Variants in AGBL1 observed in about 807,000 individuals in gnomAD.
AGBL1 encodes cytosolic carboxypeptidase 4.
A neutral mutation model predicts 118.9 loss-of-function variants in AGBL1; 130 were observed. That is an observed-to-expected ratio of 1.09 (90% CI 0.95 to 1.26). The LOEUF (loss-of-function observed/expected upper bound fraction) is 1.26, where lower values mean the gene tolerates loss of function less well. Ranked by LOEUF, AGBL1 falls within the 50% of genes most tolerant of loss-of-function variation. The pLI is 0.00. For synonymous variants in AGBL1, 555 were observed against 478.9 expected, an observed-to-expected ratio of 1.16 and a Z score of -2.08; for missense variants, 1,584 against 1,298.1, an observed-to-expected ratio of 1.22 and a Z score of -3.38.
chr15:86,306,724 T>C (rs191237981), intron 17 of AGBL1, among the ~76,000 whole-genome samples: 2 of 152,294 alleles, frequency 1.3e-5, no homozygotes, highest in East Asian at 3.9e-4. Flanking sequence ...AATTTTTAGT[T>C]TTTTGAGGAA....
At chr15:86,861,850 A>T (rs566151854) in intron 22 of AGBL1, among the ~76,000 whole-genome samples, 2 of 152,352 alleles carry the variant, frequency 1.3e-5, no homozygotes, top group South Asian at 4.1e-4. Context: ...AAGTCAAACC[A>T]ACTATATGTC....
At chr15:86,082,882 G>A (rs997994666) in intron 1 of AGBL1, among the ~76,000 whole-genome samples, 26 of 152,312 alleles carry the variant, frequency 1.7e-4, no homozygotes, top group African/African-American at 6.3e-4. Flanking sequence ...GGTGCGAGAG[G>A]CAGAAAGGAC....
At chr15:86,878,009 G>C (rs1182458826) in intron 22 of AGBL1, among the ~76,000 whole-genome samples, 1 of 152,168 alleles carries the variant, frequency 6.6e-6, no homozygotes, top group African/African-American at 2.4e-5. Flanking sequence ...GAAAAACAAA[G>C]AACACTGGAA....
At position 86,392,204 on chromosome 15, in the gene AGBL1, AT is replaced by A. The variant is rs149812215; in HGVS notation, c.2375-5153del. 4.6e-5 allele frequency among the ~76,000 whole-genome samples: 7 copies of A among 150,608 alleles called. No homozygotes were observed. In the Middle Eastern group the frequency reaches 0.014, roughly 297 times the overall value. ...CTTTCTGTGATGCACTCTGTCGTCT[AT>A]TTTTTTTTCACTCACTGTTATATCA... is the stretch of plus-strand genomic sequence containing the variant. On this transcript the variant is annotated intron_variant, in intron 17 of 22. Transcript: ENST00000614907.
chr15:86,097,418 A>G (rs905890790), intron 1 of AGBL1, among the ~76,000 whole-genome samples: 1 of 152,066 alleles, frequency 6.6e-6, no homozygotes, highest in African/African-American at 2.4e-5. Flanking sequence ...TTATTTTTCT[A>G]ACTGTATGCT....
At chr15:86,946,689 A>T (rs2080825976) in intron 23 of AGBL1, among the ~76,000 whole-genome samples, 1 of 151,896 alleles carries the variant, frequency 6.6e-6, no homozygotes, top group Admixed American at 6.6e-5. Flanking sequence ...CTCTACTAAA[A>T]ATACAAAATT....
chr15:86,371,630 A>G (rs918832922), intron 17 of AGBL1, among the ~76,000 whole-genome samples: 5 of 151,854 alleles, frequency 3.3e-5, no homozygotes, highest in Non-Finnish European at 7.4e-5. Flanking sequence ...CCCATACCTC[A>G]CCCCGGCTGA....
chr15:86,600,429 C>A (rs2084475647), intron 21 of AGBL1, among the ~76,000 whole-genome samples: 1 of 152,114 alleles, frequency 6.6e-6, no homozygotes, highest in Non-Finnish European at 1.5e-5. Flanking sequence ...CCCAAAATAT[C>A]TTAAAGGTCT....
intron 17 of AGBL1, among the ~76,000 whole-genome samples, chr15:86,383,627 G>A (rs999943432): frequency 1.3e-5 from 2 of 152,016 alleles, no homozygotes; most frequent in African/African-American, 2.4e-5. Flanking sequence ...TTCATTGCAC[G>A]TGAGTTCACA....
At chr15:86,735,828 T>C (rs1321469706) in intron 22 of AGBL1, among the ~76,000 whole-genome samples, 1 of 152,132 alleles carries the variant, frequency 6.6e-6, no homozygotes, top group East Asian at 1.9e-4. Context: ...TAGCAAGCGC[T>C]CTGTAAACAG....
chr15:86,597,787 GA>G (rs1164492112), intron 21 of AGBL1, among the ~76,000 whole-genome samples: 1 of 152,104 alleles, frequency 6.6e-6, no homozygotes, highest in African/African-American at 2.4e-5. Flanking sequence ...AAAAAAAGGG[GA>G]AAACTTCAGG....
At chr15:86,800,487 G>A (rs1256311845) in intron 22 of AGBL1, among the ~76,000 whole-genome samples, 1 of 152,026 alleles carries the variant, frequency 6.6e-6, no homozygotes, top group East Asian at 1.9e-4. Context: ...TGGAACCTAG[G>A]AATCCTTCTT....
chr15:86,234,893 T>C (rs1434450729), intron 6 of AGBL1, among the ~76,000 whole-genome samples: 1 of 152,228 alleles, frequency 6.6e-6, no homozygotes, highest in Non-Finnish European at 1.5e-5. Context: ...TAAAGCCTGA[T>C]GAAATGTAAA....
chr15:86,569,807 C>T (rs1048063145), intron 21 of AGBL1, among the ~76,000 whole-genome samples: 1 of 152,104 alleles, frequency 6.6e-6, no homozygotes, highest in Admixed American at 6.5e-5. Flanking sequence ...AAACGCCCAT[C>T]GTAGAAAATT....
intron 22 of AGBL1, among the ~76,000 whole-genome samples, chr15:86,746,575 C>A (rs77514265): frequency 0.027 from 4,138 of 152,158 alleles, 192 homozygotes; most frequent in African/African-American, 0.095. Context: ...GAGCTGGTAA[C>A]CATGTTTGTC....
At chr15:86,478,087 T>C (rs986674107) in intron 18 of AGBL1, among the ~76,000 whole-genome samples, 2 of 152,144 alleles carry the variant, frequency 1.3e-5, no homozygotes, top group Non-Finnish European at 2.9e-5. Flanking sequence ...TATCTCAAAA[T>C]AATAAGAGCT....
chr15:86,387,441 C>T (rs549197780), intron 17 of AGBL1, among the ~76,000 whole-genome samples: 4 of 152,042 alleles, frequency 2.6e-5, no homozygotes, highest in East Asian at 3.9e-4. Context: ...CTTAGGTTTT[C>T]GTTTTCACAC....
intron 15 of AGBL1, among the ~76,000 whole-genome samples, chr15:86,276,414 T>C (rs544312422): frequency 3.6e-4 from 55 of 152,236 alleles, no homozygotes; most frequent in Non-Finnish European, 5.9e-4. Context: ...TTCCCATGTG[T>C]AGAATGTGTG....
chr15:86,572,230 G>A (rs570296112), intron 21 of AGBL1, among the ~76,000 whole-genome samples: 1 of 152,148 alleles, frequency 6.6e-6, no homozygotes, highest in Non-Finnish European at 1.5e-5. Flanking sequence ...AGAGATGCCC[G>A]GGTCCTGAGC....
Sources: allele counts gnomAD v4.1 joint callset (sites outside exome capture counted in the v4.1 genomes callset), GRCh38; gene constraint gnomAD v4.1.1; transcripts MANE v1.5; gene names NCBI Gene and HGNC (gene_info 2026-07-23, HGNC 2026-07-21).